The following OSBPL1A variants were observed in gnomAD, a reference collection of about 807,000 sequenced individuals.
OSBPL1A encodes the protein oxysterol binding protein like 1A.
OSBPL1A carries 80 observed loss-of-function variants against 137.1 expected under a neutral mutation model. The ratio of observed to expected loss-of-function variants is 0.58; its 90% CI spans 0.49 to 0.70. OSBPL1A has a LOEUF of 0.70. Among genes scored for constraint, OSBPL1A ranks in the 30% least tolerant of loss-of-function variants. OSBPL1A has a pLI of 0.00. For synonymous variants in OSBPL1A, 365 were observed against 389.7 expected (o/e 0.94, Z 0.75); for missense variants, 970 against 1,129.4 (o/e 0.86, Z 2.02).
chr18:24,215,788 GCAGA>G (rs1001175368), intron 17 of OSBPL1A, among the ~76,000 whole-genome samples: 3 of 152,164 alleles, frequency 2.0e-5, no homozygotes, highest in Admixed American at 1.3e-4. Context: ...ACAGGTTAAG[GCAGA>G]CCATTAAAAG....
At chr18:24,325,930 T>C (rs537218287) in intron 7 of OSBPL1A, among the ~76,000 whole-genome samples, 1 of 152,220 alleles carries the variant, frequency 6.6e-6, no homozygotes, top group South Asian at 2.1e-4. Flanking sequence ...TTTAATTTTA[T>C]TTTTTTTCAG....
At chr18:24,347,476 C>T (rs374218620) in intron 4 of OSBPL1A, among the ~76,000 whole-genome samples, 11 of 152,264 alleles carry the variant, frequency 7.2e-5, no homozygotes, top group Middle Eastern at 3.4e-3. Flanking sequence ...TAAGCCACAG[C>T]GCCCGGCCGT....
chr18:24,194,403 G>A (rs2086969767), intron 18 of OSBPL1A, among the ~76,000 whole-genome samples: 1 of 151,968 alleles, frequency 6.6e-6, no homozygotes. Context: ...TAATTTTAAG[G>A]ACATGCATAT....
chr18:24,175,959 G>A (rs547556650), intron 21 of OSBPL1A, among the ~76,000 whole-genome samples: 91 of 152,258 alleles, frequency 6.0e-4, no homozygotes, highest in Admixed American at 2.2e-3. Context: ...ACATTTCTGC[G>A]GGTCAATTTC....
At chr18:24,295,994 A>G (rs972490220) in intron 14 of OSBPL1A, among the ~76,000 whole-genome samples, 1 of 151,808 alleles carries the variant, frequency 6.6e-6, no homozygotes, top group Non-Finnish European at 1.5e-5. Context: ...TCAGGTTCTT[A>G]TGGGATTCCA....
intron 1 of OSBPL1A, among the ~76,000 whole-genome samples, chr18:24,384,498 C>G (rs1156278778): frequency 6.6e-6 from 1 of 150,466 alleles, no homozygotes; most frequent in Non-Finnish European, 1.5e-5. Context: ...CACTTGAACC[C>G]GGGAGGTTAC....
At chr18:24,239,471 C>G in intron 15 of OSBPL1A, 89 bp from the exon 16 acceptor site, 1 of 1,183,624 alleles carries the variant, frequency 8.4e-7, no homozygotes. Context: ...TGCTTTTGAT[C>G]CAGTTCAACT....
chr18:24,351,146 G>A (rs1486313919), intron 4 of OSBPL1A, among the ~76,000 whole-genome samples: 2 of 151,786 alleles, frequency 1.3e-5, no homozygotes, highest in Non-Finnish European at 2.9e-5. Flanking sequence ...TCAGGAGTTC[G>A]AGACCAGCCT....
chr18:24,169,929 G>A (rs981870718), intron 24 of OSBPL1A, among the ~76,000 whole-genome samples: 5 of 152,160 alleles, frequency 3.3e-5, no homozygotes, highest in African/African-American at 9.7e-5. Flanking sequence ...TAAGGAACAA[G>A]GCAACAAAAC....
At chr18:24,260,732 A>G (rs1326356593) in intron 15 of OSBPL1A, among the ~76,000 whole-genome samples, 15 of 151,978 alleles carry the variant, frequency 9.9e-5, no homozygotes, top group Admixed American at 9.8e-4. Context: ...AGAGGTGATA[A>G]CTGCACACTG....
chr18:24,168,881 A>C (rs2086206479), intron 24 of OSBPL1A, among the ~76,000 whole-genome samples: 1 of 152,244 alleles, frequency 6.6e-6, no homozygotes, highest in African/African-American at 2.4e-5. Context: ...AGGGAATATA[A>C]GGAATGTTCT....
chr18:24,213,456 C>CA (rs1195639417), intron 17 of OSBPL1A, among the ~76,000 whole-genome samples: 1 of 152,050 alleles, frequency 6.6e-6, no homozygotes, highest in African/African-American at 2.4e-5. Flanking sequence ...GTAATCCCAG[C>CA]AATCCCAGCT....
chr18:24,349,741 A>C (rs2091405883), intron 4 of OSBPL1A, among the ~76,000 whole-genome samples: 1 of 122,732 alleles, frequency 8.1e-6, no homozygotes, highest in Non-Finnish European at 1.7e-5. Flanking sequence ...AAAAAAAAAA[A>C]ACAACAACAG....
At position 24,280,832 on chromosome 18, in the gene OSBPL1A, A is replaced by T. The variant is rs745320321; in HGVS notation, c.1281+10T>A. ...CAATTATTTTACAAATTCAATTCTG[A>T]ACTACCTACCCCTTCTTGTTTGGTG... On this transcript the variant is annotated intron_variant, in intron 15 of 27. Coordinates refer to ENST00000319481, the MANE Select transcript of OSBPL1A (RefSeq NM_080597.4). 5.2e-6 allele frequency: 8 copies of T among 1,528,884 alleles called. No individual in the cohort carries two copies. In the Admixed American group the frequency reaches 1.8e-4, roughly 33 times the overall value. The allele number at this position is 1,528,884 out of a possible 1,614,324, so 94.7% of individuals were successfully genotyped here. A position where few individuals can be genotyped will look rare whatever the true frequency, so the allele number is the denominator to read the frequency against.
chr18:24,326,234 C>G (rs560780496), intron 7 of OSBPL1A, among the ~76,000 whole-genome samples: 5 of 152,310 alleles, frequency 3.3e-5, no homozygotes, highest in African/African-American at 1.2e-4. Flanking sequence ...TGTGGAAAAG[C>G]TGTTGATGCT....
chr18:24,281,766 T>C (rs2089963742), intron 14 of OSBPL1A, among the ~76,000 whole-genome samples: 2 of 152,196 alleles, frequency 1.3e-5, no homozygotes, highest in South Asian at 2.1e-4. Context: ...AAAGAAAGAA[T>C]GGAGCCTTCT....
At chr18:24,321,621 G>A (rs1419216075) in intron 7 of OSBPL1A, 1 of 482,720 alleles carries the variant, frequency 2.1e-6, no homozygotes, top group African/African-American at 2.0e-5. Context: ...ATGGTTCTAT[G>A]AGGACGTGGC....
chr18:24,178,272 T>C, intron 20 of OSBPL1A, 77 bp from the exon 21 acceptor site: 4 of 1,262,672 alleles, frequency 3.2e-6, no homozygotes, highest in Non-Finnish European at 3.2e-6. Flanking sequence ...ATGTACATAA[T>C]TGCCCTTTCA....
At chr18:24,380,577 A>G (rs1242616603) in intron 1 of OSBPL1A, among the ~76,000 whole-genome samples, 4 of 152,204 alleles carry the variant, frequency 2.6e-5, no homozygotes, top group African/African-American at 9.6e-5. Context: ...GGTCCCTTCT[A>G]TAGCCCTACC....
Sources: gnomAD v4.1 joint callset for allele counts (sites outside exome capture counted in the v4.1 genomes callset) on GRCh38, gnomAD v4.1.1 for gene constraint, MANE v1.5 for transcripts, NCBI Gene and HGNC (gene_info 2026-07-23, HGNC 2026-07-21) for gene names.